ABAT: variants seen among roughly 807,000 people sequenced by gnomAD.
The protein encoded by ABAT is 4-aminobutyrate aminotransferase.
ABAT carries 45 observed loss-of-function variants against 64.6 expected under a neutral mutation model. The observed-to-expected ratio is 0.70, with a 90% CI of 0.55 to 0.89. ABAT has a LOEUF of 0.89. Ranked by LOEUF, ABAT falls within the 40% of genes least tolerant of loss-of-function variation. ABAT has a pLI of 0.00. For synonymous variants in ABAT, 297 were observed against 250.5 expected (o/e 1.19, Z -1.75); for missense variants, 633 against 658.4 (o/e 0.96, Z 0.42).
intron 1 of ABAT, among the ~76,000 whole-genome samples, chr16:8,716,407 T>C (rs1441426613): frequency 6.6e-6 from 1 of 152,172 alleles, no homozygotes; most frequent in Non-Finnish European, 1.5e-5. Flanking sequence ...GCTGAGCAAG[T>C]GTCTGCTGTT....
At chr16:8,748,173 T>C in intron 4 of ABAT, 36 bp downstream of exon 4, 2 of 1,596,180 alleles carry the variant, frequency 1.3e-6, no homozygotes, top group Non-Finnish European at 1.7e-6. Context: ...TTCTGTTGCT[T>C]CTTTATCACA....
At chr16:8,723,945 A>G (rs945575209) in intron 1 of ABAT, among the ~76,000 whole-genome samples, 1 of 144,636 alleles carries the variant, frequency 6.9e-6, no homozygotes, top group African/African-American at 2.6e-5. Flanking sequence ...GGTTCAAGCA[A>G]TTATCCTGTG....
chr16:8,762,091 T>G (rs899893613), intron 6 of ABAT, among the ~76,000 whole-genome samples: 2 of 152,120 alleles, frequency 1.3e-5, no homozygotes, highest in Non-Finnish European at 2.9e-5. Context: ...CTCGAACTCC[T>G]GGACTCAAAA....
rs866148678 is a variant in ABAT at position 8,743,442 on chromosome 16, T to C, written c.71-2559T>C. On this transcript the variant is annotated intron_variant, in intron 2 of 15. Transcript: ENST00000268251. ...AAACAGTTATATATATATATATATA[T>C]ATACACACATTTTATAATATATTAT... is the stretch of plus-strand genomic sequence containing the variant. Among the ~76,000 whole-genome samples the C allele has an allele frequency of 1.5e-4, 13 of 85,104 alleles. 1 individual carries two copies. Among genetic ancestry groups the C allele is most frequent in the African/African-American group, 3.7e-4 (8 of 21,436 alleles). The allele number at this position is 85,104 out of a possible 152,430, so 55.8% of individuals were successfully genotyped here.
intron 1 of ABAT, among the ~76,000 whole-genome samples, chr16:8,720,560 A>G (rs2058339461): frequency 6.6e-6 from 1 of 152,210 alleles, no homozygotes; most frequent in African/African-American, 2.4e-5. Context: ...AAGTCGGAGG[A>G]GAAAAGTGGA....
chr16:8,705,775 C>T (rs1257435743), intron 1 of ABAT, among the ~76,000 whole-genome samples: 2 of 150,802 alleles, frequency 1.3e-5, no homozygotes, highest in Non-Finnish European at 2.9e-5. Flanking sequence ...GACTCCACAC[C>T]TAATGCACAT....
At chr16:8,735,306 C>G (rs953701952) in intron 1 of ABAT, among the ~76,000 whole-genome samples, 1 of 151,734 alleles carries the variant, frequency 6.6e-6, no homozygotes, top group Non-Finnish European at 1.5e-5. Context: ...GGCTGGAGAG[C>G]AGTGGCGCGA....
intron 1 of ABAT, chr16:8,722,953 A>G (rs1364104179): frequency 9.4e-7 from 1 of 1,063,034 alleles, no homozygotes; most frequent in Non-Finnish European, 1.3e-6. Context: ...AAACAATGTG[A>G]TCCAGCCAGG....
intron 1 of ABAT, among the ~76,000 whole-genome samples, chr16:8,675,893 C>T (rs577254363): frequency 8.5e-5 from 13 of 152,296 alleles, no homozygotes; most frequent in Admixed American, 2.6e-4. Flanking sequence ...CCCCCGCAAG[C>T]GCCTGTGGAC....
At chr16:8,682,911 G>T (rs1177338157) in intron 1 of ABAT, among the ~76,000 whole-genome samples, 1 of 152,148 alleles carries the variant, frequency 6.6e-6, no homozygotes, top group Non-Finnish European at 1.5e-5. Flanking sequence ...GGGGTGATTT[G>T]TGTGCACTTT....
intron 14 of ABAT, among the ~76,000 whole-genome samples, chr16:8,779,241 T>C (rs951322096): frequency 2.6e-5 from 4 of 152,178 alleles, no homozygotes; most frequent in African/African-American, 9.6e-5. Flanking sequence ...CTGGGCTTGG[T>C]TGTTGTTGCT....
chr16:8,744,002 C>G (rs891743457), intron 2 of ABAT, among the ~76,000 whole-genome samples: 3 of 152,116 alleles, frequency 2.0e-5, no homozygotes, highest in Non-Finnish European at 4.4e-5. Flanking sequence ...TTGAGCTACC[C>G]TTTGTGTTTC....
At chr16:8,720,734 T>G (rs896264374) in intron 1 of ABAT, 1 of 152,276 alleles carries the variant, frequency 6.6e-6, no homozygotes, top group Non-Finnish European at 1.5e-5. Flanking sequence ...CCTTTGAGTC[T>G]GCAGAGAAGC....
intron 5 of ABAT, 131 bp downstream of exon 5, chr16:8,750,670 T>G: frequency 2.4e-6 from 2 of 829,272 alleles, no homozygotes; most frequent in Admixed American, 3.5e-5. Flanking sequence ...CACCCAAGGG[T>G]AGGAAAAAAA....
At chr16:8,734,649 G>T (rs1428173592) in intron 1 of ABAT, among the ~76,000 whole-genome samples, 1 of 152,172 alleles carries the variant, frequency 6.6e-6, no homozygotes, top group African/African-American at 2.4e-5. Context: ...AAGGACTCGG[G>T]AAACAGGGTC....
intron 1 of ABAT, among the ~76,000 whole-genome samples, chr16:8,698,647 G>A (rs2057755364): frequency 6.6e-6 from 1 of 151,618 alleles, no homozygotes; most frequent in South Asian, 2.1e-4. Context: ...TGGCTTTTAT[G>A]AATAGTGCTG....
At chr16:8,755,946 G>A (rs533965588) in intron 5 of ABAT, among the ~76,000 whole-genome samples, 2 of 152,208 alleles carry the variant, frequency 1.3e-5, no homozygotes, top group Non-Finnish European at 2.9e-5. Context: ...CTACTCGGGA[G>A]GCTGAGGCAG....
rs1008427561 is a variant in ABAT at position 8,764,906 on chromosome 16, C to G, written c.540+76C>G. ...AGCCACACGCTCACCCCTTGTCTGA[C>G]TGTTCATTCCAATGGGCTGGAGTAT... On this transcript the variant is annotated intron_variant, in intron 8 of 15. Coordinates refer to ENST00000268251, the MANE Select transcript of ABAT (RefSeq NM_020686.6). This position sits in a 1 kb window ranked among gnomAD's most constrained non-coding sequence, Gnocchi z 4.2. 2 of 1,316,406 alleles carry G rather than the reference C, an allele frequency of 1.5e-6. No individual in the cohort carries two copies. The highest frequency in any genetic ancestry group is 2.3e-5 in the East Asian group (1 of 43,330). The allele number at this position is 1,316,406 out of a possible 1,614,324, so 81.5% of individuals were successfully genotyped here.
intron 8 of ABAT, chr16:8,765,974 C>A: frequency 2.1e-6 from 1 of 479,488 alleles, no homozygotes; most frequent in Non-Finnish European, 3.9e-6. Flanking sequence ...CTTAATCCAA[C>A]AGATCTTAAT....
Sources: gnomAD v4.1 joint callset for allele counts (sites outside exome capture counted in the v4.1 genomes callset) on GRCh38, gnomAD v4.1.1 for gene constraint, Gnocchi (gnomAD v3.1) non-coding constraint, MANE v1.5 for transcripts, NCBI Gene and HGNC (gene_info 2026-07-23, HGNC 2026-07-21) for gene names.